The following SLC16A4 variants were observed in gnomAD, a reference collection of about 807,000 sequenced individuals.
The protein encoded by SLC16A4 is probable monocarboxylate transporter 5.
Under a neutral mutation model 47.9 loss-of-function variants are expected in SLC16A4, and 39 were observed. That is an observed-to-expected ratio of 0.81 (90% CI 0.63 to 1.06). SLC16A4 has a LOEUF of 1.06. SLC16A4 is among the 50% of genes least tolerant of loss of function. SLC16A4 has a pLI of 0.00. For synonymous variants in SLC16A4, 189 were observed against 199.9 expected (o/e 0.95, Z 0.46); for missense variants, 524 against 573.8 (o/e 0.91, Z 0.89).
intron 2 of SLC16A4, among the ~76,000 whole-genome samples, chr1:110,388,693 G>A (rs983881494): frequency 6.6e-6 from 1 of 152,190 alleles, no homozygotes; most frequent in Non-Finnish European, 1.5e-5. Flanking sequence ...AGGAAGAGTA[G>A]ATGACTGGAT....
intron 1 of SLC16A4, among the ~76,000 whole-genome samples, chr1:110,390,064 C>T (rs1256887562): frequency 6.6e-6 from 1 of 151,938 alleles, no homozygotes. Flanking sequence ...TAATACAAAA[C>T]AGAAAAAAAA....
chr1:110,384,571 C>T (rs1458095999), intron 2 of SLC16A4, among the ~76,000 whole-genome samples: 1 of 152,182 alleles, frequency 6.6e-6, no homozygotes, highest in Non-Finnish European at 1.5e-5. Flanking sequence ...AACAGTCATG[C>T]TTTATCCCAC....
rs1399422107 is a variant in SLC16A4, at chr1:110,363,823, A to G, written c.1407T>C (p.Ser469=). 3.1e-6 allele frequency: 5 copies of G among 1,613,046 alleles called. No individual in the cohort carries two copies. The highest frequency in any genetic ancestry group is 4.2e-6 in the Non-Finnish European group (5 of 1,179,580). Residue 469 remains serine (S), a synonymous_variant, in exon 9 of 9, where the codon TCT becomes TCC. Coordinates refer to ENST00000369779, the MANE Select transcript of SLC16A4 (RefSeq NM_004696.3). ...FYFSGICYLL[S]SVSFFFVPLA... ...ATGGTACAAAAAAAAAGGAAACTGA[A>G]GAGAGGAGATAGCATATGCCAGAGA...
intron 2 of SLC16A4, among the ~76,000 whole-genome samples, chr1:110,383,651 T>C (rs1164534715): frequency 6.6e-6 from 1 of 152,070 alleles, no homozygotes; most frequent in Non-Finnish European, 1.5e-5. Context: ...CCCGAGCAAT[T>C]TGGGGAGGGT....
chr1:110,387,469 A>G (rs1176738496), intron 2 of SLC16A4, among the ~76,000 whole-genome samples: 4 of 152,232 alleles, frequency 2.6e-5, no homozygotes, highest in Admixed American at 6.5e-5. Flanking sequence ...TCATTCAAGT[A>G]TCCACATTAC....
At chr1:110,366,577 A>G (rs1189184496) in intron 8 of SLC16A4, among the ~76,000 whole-genome samples, 1 of 152,228 alleles carries the variant, frequency 6.6e-6, no homozygotes, top group Non-Finnish European at 1.5e-5. Flanking sequence ...GTTTGGATAC[A>G]CGAGTATCTT....
At chr1:110,386,667 T>G (rs1170610706) in intron 2 of SLC16A4, among the ~76,000 whole-genome samples, 1 of 152,224 alleles carries the variant, frequency 6.6e-6, no homozygotes, top group African/African-American at 2.4e-5. Context: ...CAGTGACTTA[T>G]TTTCAATACA....
At chr1:110,370,167 C>G (rs1661610855) in intron 8 of SLC16A4, 1 of 152,078 alleles carries the variant, frequency 6.6e-6, no homozygotes, top group Non-Finnish European at 1.5e-5. Context: ...AAAACTGAAT[C>G]AAAGTAAAAA....
intron 2 of SLC16A4, among the ~76,000 whole-genome samples, chr1:110,383,768 GTTTT>G (rs35791840): frequency 1.0e-5 from 1 of 97,056 alleles, no homozygotes; most frequent in African/African-American, 3.9e-5. Flanking sequence ...GGAAGGAAGT[GTTTT>G]TTTTTTTTTT....
chr1:110,374,530 T>C (rs1220126712), intron 8 of SLC16A4, among the ~76,000 whole-genome samples: 2 of 152,222 alleles, frequency 1.3e-5, no homozygotes, highest in Admixed American at 6.5e-5. Flanking sequence ...CTGAAATACA[T>C]TGAGAACCTG....
Position 110,381,222 on chromosome 1 carries a change from G to A in SLC16A4, c.365-79C>T, listed in dbSNP as rs983573910. On this transcript the variant is annotated intron_variant, in intron 4 of 8. Coordinates refer to ENST00000369779, the MANE Select transcript of SLC16A4 (RefSeq NM_004696.3). ...ACAGAAAAGATAATCTCCTGGATCC[G>A]AGATAATACAGCTAGGCCTTTTGGA... The A allele has an allele frequency of 3.2e-5, 43 of 1,356,386 alleles. No individual in the cohort carries two copies. The South Asian group carries it at 3.5e-4, about 11-fold the overall frequency. The allele number at this position is 1,356,386 out of a possible 1,614,324, so 84.0% of individuals were successfully genotyped here. A position where few individuals can be genotyped will look rare whatever the true frequency, so the allele number is the denominator to read the frequency against.
chr1:110,373,145 G>C (rs778647040), intron 8 of SLC16A4: 5 of 152,080 alleles, frequency 3.3e-5, no homozygotes, highest in Non-Finnish European at 5.9e-5. Flanking sequence ...TCTTCTCGGA[G>C]TATTGAACTA....
intron 8 of SLC16A4, among the ~76,000 whole-genome samples, chr1:110,367,658 T>A (rs544830973): frequency 6.6e-6 from 1 of 152,062 alleles, no homozygotes; most frequent in Non-Finnish European, 1.5e-5. Context: ...ATTGTGTCAC[T>A]GCCCTCCAGC....
chr1:110,379,452 CATTA>C (rs1662228036), intron 5 of SLC16A4, 96 bp from the exon 6 acceptor site: 5 of 1,141,406 alleles, frequency 4.4e-6, no homozygotes, highest in East Asian at 2.5e-5. Context: ...TGGCATAGCC[CATTA>C]ATTCTTGAAA....
chr1:110,382,688 G>A, intron 3 of SLC16A4, 146 bp downstream of exon 3: 1 of 763,834 alleles, frequency 1.3e-6, no homozygotes, highest in Non-Finnish European at 1.9e-6. Context: ...GCTAAATATT[G>A]CAATTCCTTA....
intron 5 of SLC16A4, chr1:110,379,878 GA>G (rs1402421804): frequency 6.6e-6 from 1 of 152,226 alleles, no homozygotes. Context: ...GCAACATGGT[GA>G]AAACCTGTCT....
intron 2 of SLC16A4, among the ~76,000 whole-genome samples, chr1:110,386,469 T>G (rs1662741164): frequency 6.6e-6 from 1 of 152,198 alleles, no homozygotes; most frequent in African/African-American, 2.4e-5. Context: ...AATGGCTCAC[T>G]CCAAAATAAA....
At position 110,363,672 on chromosome 1, in the gene SLC16A4, A is replaced by T; in HGVS notation, c.*94T>A. ...GTTTTCCTTCTCATGTTACAAATGT[A>T]GATGCGATGTGTTTCTTTCAAGCTT... On this transcript the variant is annotated 3_prime_UTR_variant, in exon 9 of 9. Transcript: ENST00000369779. 1 of 1,079,382 alleles carries T rather than the reference A, an allele frequency of 9.3e-7. No individual in the cohort carries two copies. Among genetic ancestry groups the T allele is most frequent in the Non-Finnish European group, 1.3e-6 (1 of 770,674 alleles). The allele number at this position is 1,079,382 out of a possible 1,614,324, so 66.9% of individuals were successfully genotyped here.
At chr1:110,381,266 G>A (rs2991991) in intron 4 of SLC16A4, 123 bp from the exon 5 acceptor site, 8 of 769,106 alleles carry the variant, frequency 1.0e-5, no homozygotes, top group Non-Finnish European at 1.7e-5. Context: ...CAGTAGAAGG[G>A]AAGAGTCCTG....
Sources: allele counts gnomAD v4.1 joint callset (sites outside exome capture counted in the v4.1 genomes callset), GRCh38; gene constraint gnomAD v4.1.1; transcripts MANE v1.5; gene names NCBI Gene and HGNC (gene_info 2026-07-23, HGNC 2026-07-21).